DIS3L2: variants seen among roughly 807,000 people sequenced by gnomAD.
DIS3L2 encodes DIS3-like exonuclease 2.
Under a neutral mutation model 97.5 loss-of-function variants are expected in DIS3L2, and 34 were observed. That is an observed-to-expected ratio of 0.35 (90% confidence interval 0.27 to 0.46). The LOEUF (loss-of-function observed/expected upper bound fraction) is 0.46, where lower values mean the gene tolerates loss of function less well. Ranked by LOEUF, DIS3L2 falls within the 20% of genes least tolerant of loss-of-function variation. The pLI is 1.00. For synonymous variants in DIS3L2, 435 were observed against 445.2 expected, an observed-to-expected ratio of 0.98 and a Z score of 0.29; for missense variants, 1,038 against 1,146.0, an observed-to-expected ratio of 0.91 and a Z score of 1.36.
Position 232,263,229 on chromosome 2 carries a change from G to C in DIS3L2, c.1448G>C (p.Arg483Pro). The C allele has an allele frequency of 1.2e-6, 2 of 1,614,182 alleles. No homozygotes were observed. The highest frequency in any genetic ancestry group is 8.5e-7 in the Non-Finnish European group (1 of 1,180,032). The change falls in exon 13 of 21, where the codon CGG becomes CCG. Residue 483 changes from arginine (R) to proline (P), a missense_variant. By Grantham distance (103) the Arg-to-Pro change is moderately radical (BLOSUM62 -2). Transcript: ENST00000325385. The part of the protein sequence containing the change: ...EGKILDEWFG[R>P]TIIRSCTKLS... ...CAGATCCTTGATGAATGGTTTGGCC[G>C]GACCATCATCCGCTCCTGCACCAAA...
intron 5 of DIS3L2, among the ~76,000 whole-genome samples, chr2:232,061,580 T>A (rs1695707190): frequency 6.6e-6 from 1 of 152,236 alleles, no homozygotes; most frequent in Non-Finnish European, 1.5e-5. Context: ...CTACTTTTTC[T>A]TCAACATTCA....
intron 9 of DIS3L2, among the ~76,000 whole-genome samples, chr2:232,187,692 C>T (rs909657581): frequency 4.6e-5 from 7 of 152,034 alleles, no homozygotes; most frequent in African/African-American, 1.4e-4. Context: ...CTGCCCACCT[C>T]GGCCTCCCAA....
intron 13 of DIS3L2, among the ~76,000 whole-genome samples, chr2:232,297,769 C>T (rs1256998387): frequency 7.0e-6 from 1 of 143,094 alleles, no homozygotes; most frequent in Non-Finnish European, 1.5e-5. Flanking sequence ...GTGGCAAAAT[C>T]TGGGCTCACT....
In DIS3L2 at chr2:232,241,054, C is replaced by T. The variant is rs191309684; in HGVS notation, c.1317+2409C>T. ...GAAGGGCCCGCACGCCTCTGCTGCCCGGCACTGCCTCCAGCTTGGCAGGCA... is the reference window on the plus strand; with the variant it reads ...GAAGGGCCCGCACGCCTCTGCTGCCTGGCACTGCCTCCAGCTTGGCAGGCA... On this transcript the variant is annotated intron_variant, in intron 11 of 20. Transcript: ENST00000325385. Among the ~76,000 whole-genome samples, 257 of 152,318 alleles carry T rather than the reference C, an allele frequency of 1.7e-3. 4 individuals are homozygous for T. Among genetic ancestry groups the T allele is most frequent in the African/African-American group, 5.4e-3 (223 of 41,554 alleles).
intron 5 of DIS3L2, among the ~76,000 whole-genome samples, chr2:232,046,477 A>G (rs1035645959): frequency 6.6e-6 from 1 of 152,252 alleles, no homozygotes; most frequent in Non-Finnish European, 1.5e-5. Context: ...TAAGATAAAG[A>G]TTAGTTTGTC....
At chr2:232,224,772 A>T (rs889864342) in intron 10 of DIS3L2, among the ~76,000 whole-genome samples, 6 of 149,798 alleles carry the variant, frequency 4.0e-5, no homozygotes, top group African/African-American at 1.2e-4. Flanking sequence ...TGGGAGGTGG[A>T]GGTTGCAGTG....
In DIS3L2 at chr2:232,238,583, G is replaced by A; in HGVS notation, c.1255G>A (p.Glu419Lys). Residue 419 changes from glutamate (E) to lysine (K), a missense_variant, in exon 11 of 21, where the codon GAG becomes AAG. Around this residue, in one of 3 missense-constraint regions of DIS3L2, gnomAD observed 813 missense variants for 880.1 expected, o/e 0.92. Transcript: ENST00000325385. ...TGCTGACGTGAGTTACTTTGTTCCG[G>A]AGGGATCTGATCTGGATAAAGTGGC... ...HIADVSYFVP[E>K]GSDLDKVAAE... 6.2e-7 allele frequency: 1 copy of A among 1,614,242 alleles called. No individual in the cohort carries two copies. Among genetic ancestry groups the A allele is most frequent in the Non-Finnish European group, 8.5e-7 (1 of 1,180,042 alleles).
intron 1 of DIS3L2, among the ~76,000 whole-genome samples, chr2:231,973,859 C>G (rs1166208876): frequency 6.6e-6 from 1 of 151,924 alleles, no homozygotes; most frequent in African/African-American, 2.4e-5. Context: ...AAAAGAAACC[C>G]CAACTAATAA....
chr2:232,294,108 T>A (rs560689644), intron 13 of DIS3L2, among the ~76,000 whole-genome samples: 201 of 152,340 alleles, frequency 1.3e-3, no homozygotes, highest in African/African-American at 4.3e-3. Context: ...CTGGCCCGCA[T>A]GACCAGAAGC....
At chr2:232,132,859 C>T (rs1698259102) in intron 7 of DIS3L2, among the ~76,000 whole-genome samples, 1 of 152,088 alleles carries the variant, frequency 6.6e-6, no homozygotes, top group Non-Finnish European at 1.5e-5. Context: ...CGACTCTCGT[C>T]TACCCAGAGG....
At chr2:232,029,912 A>T in intron 4 of DIS3L2, 67 bp from the exon 5 acceptor site, 1 of 1,140,570 alleles carries the variant, frequency 8.8e-7, no homozygotes, top group Non-Finnish European at 1.3e-6. Flanking sequence ...TTATGAAAGC[A>T]GGCAATCTGT....
chr2:232,053,375 A>C (rs1461210549), intron 5 of DIS3L2, among the ~76,000 whole-genome samples: 2 of 152,212 alleles, frequency 1.3e-5, no homozygotes, highest in Non-Finnish European at 2.9e-5. Flanking sequence ...GTTTTTCTAT[A>C]CTACTCTCAA....
intron 9 of DIS3L2, among the ~76,000 whole-genome samples, chr2:232,192,076 T>C (rs1162956585): frequency 6.6e-6 from 1 of 152,100 alleles, no homozygotes; most frequent in Non-Finnish European, 1.5e-5. Flanking sequence ...TCTTCCATGG[T>C]GTTTGGCCAA....
chr2:232,205,226 A>G (rs886332061), intron 9 of DIS3L2, among the ~76,000 whole-genome samples: 1 of 149,134 alleles, frequency 6.7e-6, no homozygotes, highest in Non-Finnish European at 1.5e-5. Flanking sequence ...ATATATATAT[A>G]TATATATATA....
chr2:231,968,030 A>G (rs1370476546), intron 1 of DIS3L2, among the ~76,000 whole-genome samples: 3 of 150,162 alleles, frequency 2.0e-5, no homozygotes, highest in Non-Finnish European at 2.9e-5. Flanking sequence ...CAGGACATTG[A>G]TCATATCTAT....
chr2:232,037,583 GA>G lies in DIS3L2; in HGVS notation c.366+7511del, dbSNP rs537238282. Among the ~76,000 whole-genome samples the G allele has an allele frequency of 2.2e-4, 33 of 151,960 alleles. No homozygotes were observed. Among genetic ancestry groups the G allele is most frequent in the African/African-American group, 6.0e-4 (25 of 41,462 alleles). On this transcript the variant is annotated intron_variant, in intron 5 of 20. Transcript: ENST00000325385. The surrounding 1 kb of genome is among the most constrained non-coding windows in gnomAD (Gnocchi z 4.6). The stretch of plus-strand genomic sequence containing the variant: ...GGTATACCAGGAGTCACTGGGGTAC[GA>G]AAAAAAACTCCTGCAGCTAGCTCGG...
At chr2:232,202,751 G>A (rs1355776802) in intron 9 of DIS3L2, among the ~76,000 whole-genome samples, 1 of 152,166 alleles carries the variant, frequency 6.6e-6, no homozygotes, top group East Asian at 1.9e-4. Flanking sequence ...ATGGACCAAG[G>A]TCACTTTCTG....
chr2:232,140,121 C>CT (rs1268635878), intron 8 of DIS3L2, among the ~76,000 whole-genome samples: 2 of 152,138 alleles, frequency 1.3e-5, no homozygotes, highest in African/African-American at 4.8e-5. Context: ...TAGTTCCAAA[C>CT]TTTTGCACAT....
chr2:232,009,079 G>A (rs2106213511), intron 1 of DIS3L2, among the ~76,000 whole-genome samples: 1 of 151,784 alleles, frequency 6.6e-6, no homozygotes, highest in Non-Finnish European at 1.5e-5. Flanking sequence ...ATTTCTCTTT[G>A]TTAATATTCT....
Sources: allele counts gnomAD v4.1 joint callset (sites outside exome capture counted in the v4.1 genomes callset), GRCh38; gene constraint gnomAD v4.1.1; regional missense constraint gnomAD v4.1.1; non-coding constraint Gnocchi (gnomAD v3.1); transcripts MANE v1.5; gene names NCBI Gene and HGNC (gene_info 2026-07-23, HGNC 2026-07-21).